Variants in DNAH2 observed in about 807,000 individuals in gnomAD.
DNAH2 encodes the protein axonemal beta dynein heavy chain 2.
A neutral mutation model predicts 523.5 loss-of-function variants in DNAH2; 323 were observed. The ratio of observed to expected loss-of-function variants is 0.62; its 90% CI spans 0.56 to 0.68. The LOEUF (loss-of-function observed/expected upper bound fraction) is 0.68. DNAH2 is among the 30% of genes least tolerant of loss of function. The probability of loss-of-function intolerance (pLI) is 0.00; values close to 1 mark genes in which losing one functional copy is unlikely to be tolerated. For synonymous variants in DNAH2, 2,093 were observed against 2,177.4 expected, an observed-to-expected ratio of 0.96 and a Z score of 1.08; for missense variants, 4,907 against 5,701.5, an observed-to-expected ratio of 0.86 and a Z score of 4.49.
chr17:7,779,112 C>T (rs2076536463), intron 35 of DNAH2, 131 bp from the exon 36 acceptor site: 2 of 984,234 alleles, frequency 2.0e-6, no homozygotes, highest in Admixed American at 2.4e-5. Context: ...TACTCTGGTG[C>T]CCTCCTCCCT....
At chr17:7,770,533 G>C in intron 25 of DNAH2, 24 bp from the exon 26 acceptor site, 3 of 1,613,806 alleles carry the variant, frequency 1.9e-6, no homozygotes, top group East Asian at 2.2e-5. Context: ...CCTGACTGCT[G>C]TGTCCCCCAA....
intron 77 of DNAH2, among the ~76,000 whole-genome samples, chr17:7,827,717 A>T (rs565806576): frequency 6.6e-6 from 1 of 151,124 alleles, no homozygotes; most frequent in East Asian, 2.0e-4. Flanking sequence ...AACTGTTGGG[A>T]TTACACGCAT....
chr17:7,756,427 T>G (rs1270774933), intron 12 of DNAH2, among the ~76,000 whole-genome samples: 2 of 151,484 alleles, frequency 1.3e-5, no homozygotes, highest in Non-Finnish European at 2.9e-5. Flanking sequence ...AGGCTCACAC[T>G]ACCATGCCTG....
In DNAH2 at chr17:7,792,335, C is replaced by A. The variant is rs774062003; in HGVS notation, c.7137C>A (p.Tyr2379Ter). The change falls in exon 46 of 86, where the codon TAC becomes TAA. Residue 2379 changes from tyrosine to a stop codon, truncating the protein, a stop_gained. Transcript: ENST00000572933. LOFTEE classifies it high-confidence loss of function. Reference sequence around the variant, plus strand: ...ACAAGCTCCCTAAGAGTTGGCGCTACCCTCCAAAGTAAGAGCTGGGCCTGG... The same window carrying A: ...ACAAGCTCCCTAAGAGTTGGCGCTAACCTCCAAAGTAAGAGCTGGGCCTGG... ...FEDKLPKSWR[Y>*]PPNAPFYKIM... 4.7e-5 allele frequency: 76 copies of A among 1,613,896 alleles called. No homozygotes were observed. The highest frequency in any genetic ancestry group is 6.1e-5 in the Non-Finnish European group (72 of 1,180,010).
intron 4 of DNAH2, among the ~76,000 whole-genome samples, chr17:7,731,363 A>G (rs991529473): frequency 1.3e-5 from 2 of 152,012 alleles, no homozygotes; most frequent in Non-Finnish European, 2.9e-5. Context: ...TTACCACCAT[A>G]GAAAGGGATC....
In DNAH2 at chr17:7,770,292, G is replaced by T; in HGVS notation, c.3982G>T (p.Asp1328Tyr). ...CCGGGATGAGATCCAGCGGGAGTTT[G>T]ATCAGGAATCTGAAAGCTTCACCTT... The part of the protein sequence containing the change: ...QVRDEIQREF[D>Y]QESESFTLEQ... The change falls in exon 25 of 86, where the codon GAT (aspartate) becomes TAT (tyrosine). Residue 1328 changes from aspartate to tyrosine, a missense_variant. Around this residue, in one of 3 missense-constraint regions of DNAH2, gnomAD observed 2,806 missense variants for 3,190.8 expected, o/e 0.88. Transcript: ENST00000572933. 1.9e-6 allele frequency: 3 copies of T among 1,613,672 alleles called. No homozygotes were observed. The highest frequency in any genetic ancestry group is 2.2e-5 in the South Asian group (2 of 91,008).
rs780401955 is a variant in DNAH2, at chr17:7,832,758, G to A, written c.12903+3G>A. On this transcript the variant is annotated splice_donor_region_variant and intron_variant, in intron 83 of 85. Transcript: ENST00000572933. This position sits in a 1 kb window ranked among gnomAD's most constrained non-coding sequence, Gnocchi z 4.3. ...AGTCTTCAGCTCGCCAAAACAACGT[G>A]AGCAATGTGCAAAGTGTGAGGGGGG... is the stretch of plus-strand genomic sequence containing the variant. 3 of 1,614,044 alleles carry A rather than the reference G, an allele frequency of 1.9e-6. No homozygotes were observed. The highest frequency in any genetic ancestry group is 3.3e-5 in the Admixed American group (2 of 60,018).
Position 7,766,417 on chromosome 17 carries a change from G to T in DNAH2, c.3611G>T (p.Arg1204Leu). The part of the protein sequence containing the change: ...MAMREEENSL[R>L]ANLGIFKIEQ... ...ATGCGGGAAGAGGAAAATAGTCTCC[G>T]AGCCAACCTGGGCATCTTCAAGATC... Residue 1204 changes from arginine to leucine, a missense_variant, in exon 22 of 86, where the codon CGA becomes CTA. By Grantham distance (102) the Arg-to-Leu change is moderately radical. Coordinates refer to ENST00000572933, the MANE Select transcript of DNAH2 (RefSeq NM_020877.5). 6.2e-7 allele frequency: 1 copy of T among 1,613,964 alleles called. No individual in the cohort carries two copies. The highest frequency in any genetic ancestry group is 1.1e-5 in the South Asian group (1 of 91,072).
intron 33 of DNAH2, 147 bp downstream of exon 33, chr17:7,777,781 T>A: frequency 9.5e-7 from 1 of 1,052,338 alleles, no homozygotes. Flanking sequence ...TTCCATCTCC[T>A]CCCCACAATC....
chr17:7,815,547 C>A (rs2151319112), intron 63 of DNAH2, among the ~76,000 whole-genome samples: 1 of 151,868 alleles, frequency 6.6e-6, no homozygotes, highest in East Asian at 1.9e-4. Flanking sequence ...GGATCACACA[C>A]ATATACAGGA....
chr17:7,804,553 T>C, intron 59 of DNAH2, 87 bp downstream of exon 59: 1 of 1,464,318 alleles, frequency 6.8e-7, no homozygotes, highest in Non-Finnish European at 9.3e-7. Context: ...CCTTCTTAAA[T>C]TTTCTTTAGT....
chr17:7,742,983 A>G lies in DNAH2; in HGVS notation c.1745A>G (p.His582Arg). ...ATTGGGACTGGAAAGGAGAGTGTGC[A>G]CACCTATCAGCAGATGGTCCAGGCC... ...PRIGTGKESV[H>R]TYQQMVQAID... The change falls in exon 12 of 86, where the codon CAC (histidine) becomes CGC (arginine). Residue 582 changes from histidine to arginine, a missense_variant. By Grantham distance (29) the His-to-Arg change is conservative. This residue lies in a region of DNAH2 where 2,806 missense variants were observed against 3,190.8 expected (regional missense o/e 0.88). Transcript: ENST00000572933. The G allele has an allele frequency of 6.6e-7, 1 of 1,507,350 alleles. No individual in the cohort carries two copies. Among genetic ancestry groups the G allele is most frequent in the East Asian group, 2.3e-5 (1 of 43,184 alleles). The allele number at this position is 1,507,350 out of a possible 1,614,324, so 93.4% of individuals were successfully genotyped here.
In DNAH2 at chr17:7,824,142, C is replaced by G. The variant is rs369801878; in HGVS notation, c.11500C>G (p.Arg3834Gly). The G allele has an allele frequency of 4.5e-6, 7 of 1,564,674 alleles. No individual in the cohort carries two copies. The highest frequency in any genetic ancestry group is 4.5e-5 in the East Asian group (2 of 44,494). Reference sequence around the variant, plus strand: ...GCAGGTGCTGGAGGATTCAACCCCACGATCCCCACTCGTGTTCATCCTGTC... The same window carrying G: ...GCAGGTGCTGGAGGATTCAACCCCAGGATCCCCACTCGTGTTCATCCTGTC... ...MKSVLEDSTP[R>G]SPLVFILSPG... Residue 3834 changes from arginine to glycine, a missense_variant, in exon 76 of 86, where the codon CGA (arginine) becomes GGA (glycine). Physicochemically the swap from Arg to Gly is moderately radical, Grantham distance 125 (BLOSUM62 -2). Transcript: ENST00000572933.
rs375756627 is a variant in DNAH2 at position 7,798,328 on chromosome 17, C to T, written c.8398+4C>T. On this transcript the variant is annotated splice_donor_region_variant and intron_variant, in intron 54 of 85. Transcript: ENST00000572933. The surrounding 1 kb of genome is among the most constrained non-coding windows in gnomAD (Gnocchi z 5.5). ...CGGAAGCAGGAGTTCCGAGATGGTA[C>T]GGCTGGGTTTCTGAAATGCTAGGAA... The T allele has an allele frequency of 5.4e-5, 86 of 1,605,074 alleles. No homozygotes were observed. Among genetic ancestry groups the T allele is most frequent in the African/African-American group, 9.3e-5 (7 of 74,892 alleles).
At position 7,832,477 on chromosome 17, in the gene DNAH2, C is replaced by A; in HGVS notation, c.12727-102C>A. 7.0e-7 allele frequency: 1 copy of A among 1,429,662 alleles called. No individual in the cohort carries two copies. Among genetic ancestry groups the A allele is most frequent in the Non-Finnish European group, 9.5e-7 (1 of 1,048,692 alleles). 88.6% of individuals were successfully genotyped at this position (1,429,662 alleles called of 1,614,324 possible). A position where few individuals can be genotyped will look rare whatever the true frequency, so the allele number is the denominator to read the frequency against. ...TGAGCCAAGATCGTACCACTGCACT[C>A]CAGCCTGGGGGACAAGAGCAAAACT... On this transcript the variant is annotated intron_variant, in intron 82 of 85. Coordinates refer to ENST00000572933, the MANE Select transcript of DNAH2 (RefSeq NM_020877.5). This position sits in a 1 kb window ranked among gnomAD's most constrained non-coding sequence, Gnocchi z 4.3.
chr17:7,742,733 T>C (rs568423317), intron 11 of DNAH2, among the ~76,000 whole-genome samples, 195 bp from the exon 12 acceptor site: 1 of 152,280 alleles, frequency 6.6e-6, no homozygotes, highest in Non-Finnish European at 1.5e-5. Flanking sequence ...CATTGCGCCT[T>C]GGTCTCTTCC....
At position 7,832,792 on chromosome 17, in the gene DNAH2, C is replaced by G. The variant is rs775083900; in HGVS notation, c.12903+37C>G. ...GCAAAGTGTGAGGGGGGGATGTATG[C>G]TGGGGCCATGTATGTGTTCTCCTCT... On this transcript the variant is annotated intron_variant, in intron 83 of 85. Transcript: ENST00000572933. This position sits in a 1 kb window ranked among gnomAD's most constrained non-coding sequence, Gnocchi z 4.3. 4 of 1,613,878 alleles carry G rather than the reference C, an allele frequency of 2.5e-6. No individual in the cohort carries two copies. The highest frequency in any genetic ancestry group is 1.3e-5 in the African/African-American group (1 of 74,894).
At chr17:7,795,459 G>A (rs2077035005) in intron 49 of DNAH2, among the ~76,000 whole-genome samples, 1 of 151,768 alleles carries the variant, frequency 6.6e-6, no homozygotes, top group Non-Finnish European at 1.5e-5. Flanking sequence ...GATCACTCGA[G>A]CCCAGGAGTT....
chr17:7,763,118 G>A (rs1397151460), intron 18 of DNAH2, among the ~76,000 whole-genome samples: 1 of 151,776 alleles, frequency 6.6e-6, no homozygotes, highest in Non-Finnish European at 1.5e-5. Flanking sequence ...TGGGATTACA[G>A]GTGCCCGCCA....
Sources: gnomAD v4.1 joint callset for allele counts (sites outside exome capture counted in the v4.1 genomes callset) on GRCh38, gnomAD v4.1.1 for gene constraint, gnomAD v4.1.1 regional missense constraint, Gnocchi (gnomAD v3.1) non-coding constraint, MANE v1.5 for transcripts, NCBI Gene and HGNC (gene_info 2026-07-23, HGNC 2026-07-21) for gene names.